Variants in EYA4 observed in about 807,000 individuals in gnomAD.
The protein encoded by EYA4 is protein phosphatase EYA4.
A neutral mutation model predicts 87.9 loss-of-function variants in EYA4; 31 were observed. The ratio of observed to expected loss-of-function variants is 0.35; its 90% CI spans 0.27 to 0.48. EYA4 has a LOEUF of 0.48. Ranked by LOEUF, EYA4 falls within the 20% of genes least tolerant of loss-of-function variation. The pLI is 0.99. For missense variants in EYA4, 678 were observed against 761.4 expected, an observed-to-expected ratio of 0.89 and a Z score of 1.29; for synonymous variants, 263 against 270.6, an observed-to-expected ratio of 0.97 and a Z score of 0.28.
intron 2 of EYA4, among the ~76,000 whole-genome samples, chr6:133,305,540 A>G (rs901035616): frequency 2.6e-5 from 4 of 152,234 alleles, no homozygotes; most frequent in Non-Finnish European, 5.9e-5. Flanking sequence ...GCTTCTATCT[A>G]TGCTCAGCAA....
chr6:133,334,334 G>C (rs1208060353), intron 2 of EYA4, among the ~76,000 whole-genome samples: 1 of 152,242 alleles, frequency 6.6e-6, no homozygotes, highest in Non-Finnish European at 1.5e-5. Context: ...TGAGAGAAGA[G>C]AGTCAAACCA....
intron 13 of EYA4, among the ~76,000 whole-genome samples, chr6:133,483,456 G>T (rs1316162886): frequency 6.6e-6 from 1 of 151,314 alleles, no homozygotes; most frequent in African/African-American, 2.4e-5. Context: ...CAATAAAAGA[G>T]CTTTAAGAAA....
At chr6:133,441,936 AT>A (rs780471069) in intron 3 of EYA4, among the ~76,000 whole-genome samples, 3 of 151,984 alleles carry the variant, frequency 2.0e-5, no homozygotes, top group South Asian at 2.1e-4. Flanking sequence ...CAATACATAT[AT>A]TTTTATATAT....
intron 2 of EYA4, among the ~76,000 whole-genome samples, chr6:133,344,188 T>C (rs72995906): frequency 0.031 from 4,690 of 152,264 alleles, 177 homozygotes; most frequent in East Asian, 0.2. Flanking sequence ...CCAAGTCGCA[T>C]TGGACTGGAA....
At chr6:133,256,629 T>A (rs1289165027) in intron 1 of EYA4, among the ~76,000 whole-genome samples, 6 of 152,162 alleles carry the variant, frequency 3.9e-5, no homozygotes, top group Non-Finnish European at 8.8e-5. Flanking sequence ...TATCAATGAC[T>A]AATTTATAAA....
At chr6:133,447,004 T>C (rs1228625510) in intron 4 of EYA4, among the ~76,000 whole-genome samples, 1 of 152,224 alleles carries the variant, frequency 6.6e-6, no homozygotes, top group Non-Finnish European at 1.5e-5. Context: ...TGAACAAGGC[T>C]TTCTTTTTGT....
At chr6:133,430,162 C>T (rs1051207274) in intron 3 of EYA4, among the ~76,000 whole-genome samples, 8 of 152,150 alleles carry the variant, frequency 5.3e-5, no homozygotes, top group African/African-American at 1.9e-4. Context: ...AGGATAATGA[C>T]CTCCAGCTGG....
At chr6:133,285,257 A>G (rs1002675343) in intron 2 of EYA4, among the ~76,000 whole-genome samples, 1 of 152,112 alleles carries the variant, frequency 6.6e-6, no homozygotes, top group African/African-American at 2.4e-5. Flanking sequence ...CGGCCTCCCA[A>G]GCTGCGGTTT....
At chr6:133,405,082 C>G (rs1788591222) in intron 3 of EYA4, among the ~76,000 whole-genome samples, 1 of 152,074 alleles carries the variant, frequency 6.6e-6, no homozygotes, top group Non-Finnish European at 1.5e-5. Context: ...TGTCATGATT[C>G]TGAGGTGCCT....
At chr6:133,317,116 T>G (rs907434638) in intron 2 of EYA4, among the ~76,000 whole-genome samples, 1 of 152,192 alleles carries the variant, frequency 6.6e-6, no homozygotes, top group Non-Finnish European at 1.5e-5. Context: ...TTCAAACAGC[T>G]GCTCAAAACT....
At chr6:133,387,811 G>A (rs949457208) in intron 3 of EYA4, among the ~76,000 whole-genome samples, 7 of 152,052 alleles carry the variant, frequency 4.6e-5, no homozygotes, top group African/African-American at 1.7e-4. Flanking sequence ...GTTTTGTCTT[G>A]TTTCAAAGTC....
At chr6:133,460,037 T>C (rs921373265) in intron 6 of EYA4, among the ~76,000 whole-genome samples, 3 of 152,104 alleles carry the variant, frequency 2.0e-5, no homozygotes, top group African/African-American at 7.2e-5. Flanking sequence ...TATATAGAAA[T>C]ATATCATGTT....
At chr6:133,396,744 G>A (rs932019012) in intron 3 of EYA4, among the ~76,000 whole-genome samples, 2 of 152,086 alleles carry the variant, frequency 1.3e-5, no homozygotes, top group African/African-American at 4.8e-5. Context: ...GTGCATGCAT[G>A]CAACATGACT....
chr6:133,441,017 TG>T (rs1252528260), intron 3 of EYA4, among the ~76,000 whole-genome samples: 1 of 152,210 alleles, frequency 6.6e-6, no homozygotes, highest in Non-Finnish European at 1.5e-5. Flanking sequence ...TTGATGTTTG[TG>T]GTGCTGTAAG....
At chr6:133,496,346 C>T (rs1183535953) in intron 13 of EYA4, among the ~76,000 whole-genome samples, 1 of 152,140 alleles carries the variant, frequency 6.6e-6, no homozygotes, top group Non-Finnish European at 1.5e-5. Context: ...TTTGGTATAG[C>T]ATAGTGATTT....
chr6:133,241,319 G>T (rs1773919823), upstream of EYA4: 1 of 151,948 alleles, frequency 6.6e-6, no homozygotes. Context: ...GAGGCTGCCG[G>T]CAGCGCGGCG....
chr6:133,304,310 C>T (rs903941037), intron 2 of EYA4, among the ~76,000 whole-genome samples: 1 of 152,118 alleles, frequency 6.6e-6, no homozygotes, highest in Non-Finnish European at 1.5e-5. Flanking sequence ...GCAGGTGCAA[C>T]TCTGGGAGCT....
In EYA4 at chr6:133,456,500, G is replaced by T; in HGVS notation, c.278-56G>T. 3.4e-6 allele frequency: 4 copies of T among 1,187,990 alleles called. No individual in the cohort carries two copies. In the Admixed American group the frequency reaches 6.7e-5, roughly 20 times the overall value. The allele number at this position is 1,187,990 out of a possible 1,614,324, so 73.6% of individuals were successfully genotyped here. A position where few individuals can be genotyped will look rare whatever the true frequency, so the allele number is the denominator to read the frequency against. The stretch of plus-strand genomic sequence containing the variant: ...AGAAATATCACTAGTAGAACGGACA[G>T]AGTCTTTGACATAAATTTAGAAGTA... On this transcript the variant is annotated intron_variant, in intron 5 of 19. Transcript: ENST00000355286.
At chr6:133,305,806 C>T (rs935649732) in intron 2 of EYA4, among the ~76,000 whole-genome samples, 2 of 152,076 alleles carry the variant, frequency 1.3e-5, no homozygotes, top group Non-Finnish European at 2.9e-5. Context: ...AACTGGAAAC[C>T]AGGTCTGTCT....
Sources: allele counts gnomAD v4.1 joint callset (sites outside exome capture counted in the v4.1 genomes callset), GRCh38; gene constraint gnomAD v4.1.1; transcripts MANE v1.5; gene names NCBI Gene and HGNC (gene_info 2026-07-23, HGNC 2026-07-21).